The following LNPEP variants were observed in gnomAD, a reference collection of about 807,000 sequenced individuals.
LNPEP encodes the protein leucyl and cystinyl aminopeptidase.
LNPEP carries 64 observed loss-of-function variants against 120.6 expected under a neutral mutation model. The observed-to-expected ratio is 0.53, with a 90% confidence interval of 0.43 to 0.65. LNPEP has a LOEUF of 0.65. Among genes scored for constraint, LNPEP ranks in the 30% least tolerant of loss-of-function variants. The probability of loss-of-function intolerance (pLI) is 0.00; values close to 1 mark genes in which losing one functional copy is unlikely to be tolerated. For synonymous variants in LNPEP, 435 were observed against 425.4 expected, an observed-to-expected ratio of 1.02 and a Z score of -0.28; for missense variants, 1,057 against 1,200.0, an observed-to-expected ratio of 0.88 and a Z score of 1.76.
At chr5:96,938,379 A>T (rs1788971954) in intron 1 of LNPEP, among the ~76,000 whole-genome samples, 1 of 152,120 alleles carries the variant, frequency 6.6e-6, no homozygotes, top group Non-Finnish European at 1.5e-5. Context: ...ACACTTTTTC[A>T]TGTATCCCTA....
At chr5:96,967,425 A>G (rs1174982557) in intron 1 of LNPEP, among the ~76,000 whole-genome samples, 2 of 151,990 alleles carry the variant, frequency 1.3e-5, no homozygotes, top group East Asian at 3.9e-4. Flanking sequence ...GATTACAGGT[A>G]TGAACCACTG....
rs767400360 is a variant in LNPEP, at chr5:97,014,975, G to C, written c.2256G>C (p.Leu752Phe). Reference sequence around the variant, plus strand: ...TACCTCTCAAGAGGGCCTTTGATTTGATTAATTATCTTGGAAATGAGAACC... The same window carrying C: ...TACCTCTCAAGAGGGCCTTTGATTTCATTAATTATCTTGGAAATGAGAACC... ...GKVPLKRAFDLINYLGNENHT... is the reference protein window; with the variant it reads ...GKVPLKRAFDFINYLGNENHT... The change falls in exon 13 of 18, where the codon TTG becomes TTC. Residue 752 changes from leucine to phenylalanine, a missense_variant. Leu to Phe is a conservative substitution (Grantham distance 22, BLOSUM62 0). Transcript: ENST00000231368. 1 of 1,587,944 alleles carries C rather than the reference G, an allele frequency of 6.3e-7. No individual in the cohort carries two copies. Among genetic ancestry groups the C allele is most frequent in the South Asian group, 1.2e-5 (1 of 84,862 alleles).
In LNPEP at chr5:97,034,237, C is replaced by T. The variant is rs1791527972; in HGVS notation, c.*5704C>T. 5.3e-5 allele frequency: 8 copies of T among 151,954 alleles called. No individual in the cohort carries two copies. The highest frequency in any genetic ancestry group is 5.2e-4 in the Admixed American group (8 of 15,242). The allele number at this position is 151,954 out of a possible 1,614,324, so 9.4% of individuals were successfully genotyped here. ...TTAGAAATGTATATAAATGTTCTTG[C>T]TCCTTTTTCCTGTTACTTCATTGTG... On this transcript the variant is annotated 3_prime_UTR_variant, in exon 18 of 18. Transcript: ENST00000231368.
At chr5:96,967,182 T>C (rs905181900) in intron 1 of LNPEP, among the ~76,000 whole-genome samples, 1 of 152,130 alleles carries the variant, frequency 6.6e-6, no homozygotes, top group Non-Finnish European at 1.5e-5. Flanking sequence ...AAAAACACTA[T>C]AACTGCTCCC....
In LNPEP at chr5:97,014,944, G is replaced by T; in HGVS notation, c.2225G>T (p.Gly742Val). The T allele has an allele frequency of 1.3e-6, 2 of 1,557,736 alleles. No individual in the cohort carries two copies. The highest frequency in any genetic ancestry group is 8.7e-7 in the Non-Finnish European group (1 of 1,153,488). Reference sequence around the variant, plus strand: ...CCTGTTCTTTTATCCTTTAGCCTAGGCAAGGTACCTCTCAAGAGGGCCTTT... The same window carrying T: ...CCTGTTCTTTTATCCTTTAGCCTAGTCAAGGTACCTCTCAAGAGGGCCTTT... ...INNIFELAGL[G>V]KVPLKRAFDL... The change falls in exon 13 of 18, where the codon GGC becomes GTC. Residue 742 changes from glycine (G) to valine (V), a missense_variant. Gly to Val is a moderately radical substitution (Grantham distance 109, BLOSUM62 -3). Coordinates refer to ENST00000231368, the MANE Select transcript of LNPEP (RefSeq NM_005575.3).
Position 96,998,149 on chromosome 5 carries a change from T to C in LNPEP, c.1653+4T>C. 6.3e-7 allele frequency: 1 copy of C among 1,591,488 alleles called. No individual in the cohort carries two copies. The highest frequency in any genetic ancestry group is 1.4e-5 in the African/African-American group (1 of 73,826). Reference sequence around the variant, plus strand: ...TGATTCTCTTTCCTATTTTAAGGTATTGCTGTGAACAAAAAGGTAGCTGGA... The same window carrying C: ...TGATTCTCTTTCCTATTTTAAGGTACTGCTGTGAACAAAAAGGTAGCTGGA... On this transcript the variant is annotated splice_donor_region_variant and intron_variant, in intron 8 of 17. Coordinates refer to ENST00000231368, the MANE Select transcript of LNPEP (RefSeq NM_005575.3).
chr5:97,006,046 T>TTATATA (rs3839297), intron 9 of LNPEP, 27 bp from the exon 10 acceptor site: 816 of 702,524 alleles, frequency 1.2e-3, no homozygotes, highest in East Asian at 5.0e-3. Context: ...GGAAAAAGTT[T>TTATATA]TATATATATA....
At chr5:96,946,176 A>T (rs780606482) in intron 1 of LNPEP, among the ~76,000 whole-genome samples, 39 of 152,216 alleles carry the variant, frequency 2.6e-4, no homozygotes, top group Non-Finnish European at 4.4e-4. Context: ...TCAGCGCCTT[A>T]GTATCTAGAT....
intron 3 of LNPEP, among the ~76,000 whole-genome samples, 172 bp downstream of exon 3, chr5:96,985,390 T>C (rs1790216955): frequency 3.9e-5 from 6 of 152,188 alleles, no homozygotes; most frequent in African/African-American, 1.4e-4. Context: ...AGTTGGGAAG[T>C]CACCTTGAGG....
At chr5:96,936,843 AG>A (rs1788906160) in intron 1 of LNPEP, 1 of 152,202 alleles carries the variant, frequency 6.6e-6, no homozygotes, top group Non-Finnish European at 1.5e-5. Context: ...GTTAATGTCA[AG>A]GGTCCGTCAC....
intron 12 of LNPEP, among the ~76,000 whole-genome samples, 190 bp from the exon 13 acceptor site, chr5:97,014,749 T>C (rs878927370): frequency 6.6e-6 from 1 of 152,176 alleles, no homozygotes; most frequent in South Asian, 2.1e-4. Flanking sequence ...TTGAAATGCC[T>C]CTTTAATCTT....
intron 1 of LNPEP, among the ~76,000 whole-genome samples, chr5:96,937,940 T>G (rs1048275467): frequency 3.2e-4 from 49 of 152,246 alleles, no homozygotes; most frequent in Non-Finnish European, 1.8e-4. Context: ...TTTCCTATCT[T>G]TCAGAGTTGA....
In LNPEP at chr5:96,979,111, C is replaced by T. The variant is rs766723537; in HGVS notation, c.20-27C>T. On this transcript the variant is annotated intron_variant, in intron 1 of 17. Transcript: ENST00000231368. Reference sequence around the variant, plus strand: ...GAGCTTTTTTTTTTCTAACTCTGTGCCTTGTTCTTATGTTTTGGTTTTTTA... The same window carrying T: ...GAGCTTTTTTTTTTCTAACTCTGTGTCTTGTTCTTATGTTTTGGTTTTTTA... The T allele has an allele frequency of 2.6e-6, 4 of 1,553,754 alleles. No individual in the cohort carries two copies. The Admixed American group carries it at 6.1e-5, about 24-fold the overall frequency.
chr5:96,954,625 T>TATATATATATACATATATAC, intron 1 of LNPEP, among the ~76,000 whole-genome samples: 1 of 121,386 alleles, frequency 8.2e-6, no homozygotes, highest in Non-Finnish European at 1.7e-5. Context: ...TCTCTATATA[T>TATATATATATACATATATAC]ATATATACAT....
At chr5:96,963,834 A>C (rs1490742245) in intron 1 of LNPEP, among the ~76,000 whole-genome samples, 1 of 152,218 alleles carries the variant, frequency 6.6e-6, no homozygotes, top group Non-Finnish European at 1.5e-5. Context: ...TCTGTGCTAT[A>C]TAATGATCCA....
intron 1 of LNPEP, among the ~76,000 whole-genome samples, chr5:96,938,834 T>G (rs893631618): frequency 5.9e-5 from 9 of 152,236 alleles, no homozygotes; most frequent in African/African-American, 2.2e-4. Context: ...TGTTGAAGTC[T>G]GGACATCTGG....
At chr5:97,017,273 T>A (rs1791088940) in intron 13 of LNPEP, among the ~76,000 whole-genome samples, 1 of 152,190 alleles carries the variant, frequency 6.6e-6, no homozygotes, top group African/African-American at 2.4e-5. Flanking sequence ...GACCATTAGA[T>A]GTTCTTTTGT....
intron 1 of LNPEP, among the ~76,000 whole-genome samples, chr5:96,950,698 T>G (rs1262938057): frequency 6.6e-6 from 1 of 152,254 alleles, no homozygotes; most frequent in Non-Finnish European, 1.5e-5. Context: ...GTTTCTGTAC[T>G]GATGTTAATC....
At chr5:97,000,631 C>G (rs1019440637) in intron 8 of LNPEP, among the ~76,000 whole-genome samples, 1 of 152,176 alleles carries the variant, frequency 6.6e-6, no homozygotes, top group African/African-American at 2.4e-5. Context: ...TTCACACATG[C>G]TGTCACAACT....
Sources: gnomAD v4.1 joint callset for allele counts (sites outside exome capture counted in the v4.1 genomes callset) on GRCh38, gnomAD v4.1.1 for gene constraint, MANE v1.5 for transcripts, NCBI Gene and HGNC (gene_info 2026-07-23, HGNC 2026-07-21) for gene names.